The following AKT3 variants were observed in gnomAD, a reference collection of about 807,000 sequenced individuals.
AKT3 encodes the protein AKT serine/threonine kinase 3.
A neutral mutation model predicts 65.3 loss-of-function variants in AKT3; 15 were observed. The observed-to-expected ratio is 0.23, with a 90% confidence interval of 0.15 to 0.35. The LOEUF is 0.35. AKT3 is among the 10% of genes least tolerant of loss of function. The pLI is 1.00. For missense variants in AKT3, 243 were observed against 576.5 expected (o/e 0.42, Z 5.92); for synonymous variants, 206 against 183.8 (o/e 1.12, Z -0.98).
intron 13 of AKT3, among the ~76,000 whole-genome samples, chr1:243,508,483 A>G (rs1669809799): frequency 6.6e-6 from 1 of 152,126 alleles, no homozygotes; most frequent in Non-Finnish European, 1.5e-5. Flanking sequence ...TCCTTGCTAC[A>G]GAGGTCCTGA....
intron 12 of AKT3, among the ~76,000 whole-genome samples, chr1:243,531,846 T>C (rs766064279): frequency 3.0e-4 from 45 of 152,328 alleles, no homozygotes; most frequent in Non-Finnish European, 3.1e-4. Context: ...GTTAAATTTA[T>C]TCCTAAGACA....
chr1:243,737,363 G>A (rs1311056696), intron 2 of AKT3, among the ~76,000 whole-genome samples: 1 of 152,140 alleles, frequency 6.6e-6, no homozygotes, highest in Non-Finnish European at 1.5e-5. Flanking sequence ...AGTAAGGCAT[G>A]GGTGTAATTG....
At chr1:243,581,848 A>G (rs1288172415) in intron 8 of AKT3, among the ~76,000 whole-genome samples, 1 of 152,030 alleles carries the variant, frequency 6.6e-6, no homozygotes, top group African/African-American at 2.4e-5. Context: ...AAAAACTTCT[A>G]AAGTAATCCA....
chr1:243,676,337 T>C (rs766238658), intron 3 of AKT3, among the ~76,000 whole-genome samples: 2 of 152,128 alleles, frequency 1.3e-5, no homozygotes, highest in Non-Finnish European at 2.9e-5. Flanking sequence ...CCCAGTGTAA[T>C]TGGAGTCAAG....
In AKT3 at chr1:243,798,329, A is replaced by C. The variant is rs141463256; in HGVS notation, c.46+44796T>G. ...TGGACTCAAGCGATCCTCCCACCTC[A>C]GCCTCCTGATCTCCCACATAGCTGG... On this transcript the variant is annotated intron_variant, in intron 2 of 13. Transcript: ENST00000673466. Among the ~76,000 whole-genome samples the C allele has an allele frequency of 5.1e-3, 713 of 139,206 alleles. 4 individuals are homozygous for C. The highest frequency in any genetic ancestry group is 0.018 in the African/African-American group (668 of 36,970). The allele number at this position is 139,206 out of a possible 152,430, so 91.3% of individuals were successfully genotyped here. A position where few individuals can be genotyped will look rare whatever the true frequency, so the allele number is the denominator to read the frequency against.
At chr1:243,845,739 G>C (rs1448978380) in intron 1 of AKT3, among the ~76,000 whole-genome samples, 2 of 151,832 alleles carry the variant, frequency 1.3e-5, no homozygotes, top group Admixed American at 6.6e-5. Flanking sequence ...AAATGCAATT[G>C]ATATATGGTC....
chr1:243,682,243 T>G (rs942399079), intron 3 of AKT3, among the ~76,000 whole-genome samples: 2 of 152,096 alleles, frequency 1.3e-5, no homozygotes, highest in South Asian at 4.2e-4. Flanking sequence ...CTGCAGGTGG[T>G]GATCCTCCTA....
chr1:243,652,408 C>T (rs2147870689), intron 4 of AKT3, among the ~76,000 whole-genome samples: 1 of 152,172 alleles, frequency 6.6e-6, no homozygotes, highest in East Asian at 1.9e-4. Flanking sequence ...GAATGCTTTA[C>T]AGACAAGCAA....
Position 243,505,057 on chromosome 1 carries a change from C to A in AKT3, c.*192G>T. ...ACTGAGATACAATTTCATGCAAAAACAAAAACTGGAGTGTATTTGCGTGTA... is the reference window on the plus strand; with the variant it reads ...ACTGAGATACAATTTCATGCAAAAAAAAAAACTGGAGTGTATTTGCGTGTA... On this transcript the variant is annotated 3_prime_UTR_variant, in exon 14 of 14. Coordinates refer to ENST00000673466, the MANE Select transcript of AKT3 (RefSeq NM_005465.7). 1 of 548,982 alleles carries A rather than the reference C, an allele frequency of 1.8e-6. No homozygotes were observed. The highest frequency in any genetic ancestry group is 2.6e-5 in the South Asian group (1 of 38,548). The allele number at this position is 548,982 out of a possible 1,614,324, so 34.0% of individuals were successfully genotyped here. A position where few individuals can be genotyped will look rare whatever the true frequency, so the allele number is the denominator to read the frequency against.
intron 2 of AKT3, among the ~76,000 whole-genome samples, chr1:243,788,228 T>C: frequency 6.6e-6 from 1 of 152,152 alleles, no homozygotes; most frequent in Non-Finnish European, 1.5e-5. Flanking sequence ...TCATGACATC[T>C]AACATGGAAC....
intron 6 of AKT3, among the ~76,000 whole-genome samples, chr1:243,622,643 T>C (rs190427348): frequency 2.0e-5 from 3 of 152,170 alleles, no homozygotes; most frequent in Non-Finnish European, 2.9e-5. Flanking sequence ...TGCTGAAGAA[T>C]AGAAGCTACA....
At chr1:243,561,386 T>C (rs1220736606) in intron 10 of AKT3, among the ~76,000 whole-genome samples, 2 of 152,142 alleles carry the variant, frequency 1.3e-5, no homozygotes, top group Non-Finnish European at 2.9e-5. Flanking sequence ...GTCTTCAAAT[T>C]AGGATTTTTT....
chr1:243,847,042 T>C (rs1695550126), intron 1 of AKT3, among the ~76,000 whole-genome samples: 1 of 152,214 alleles, frequency 6.6e-6, no homozygotes, highest in Non-Finnish European at 1.5e-5. Flanking sequence ...GTATTTGTTG[T>C]CGGAAGATTC....
chr1:243,848,694 A>T (rs1695617762), intron 1 of AKT3, among the ~76,000 whole-genome samples: 1 of 152,254 alleles, frequency 6.6e-6, no homozygotes, highest in Non-Finnish European at 1.5e-5. Context: ...TGTTGAGACA[A>T]CTGCCAATGT....
At chr1:243,616,307 TAAAAA>T (rs57576796) in intron 6 of AKT3, among the ~76,000 whole-genome samples, 4 of 66,754 alleles carry the variant, frequency 6.0e-5, no homozygotes, top group Admixed American at 2.5e-4. Flanking sequence ...GTGCTTTTCT[TAAAAA>T]AAAAAAAAAA....
intron 12 of AKT3, among the ~76,000 whole-genome samples, chr1:243,513,017 A>G (rs1327800923): frequency 6.6e-6 from 1 of 152,208 alleles, no homozygotes; most frequent in Non-Finnish European, 1.5e-5. Context: ...CACAGCTTTC[A>G]TCAGATCCTC....
intron 2 of AKT3, among the ~76,000 whole-genome samples, chr1:243,813,525 A>G (rs78066496): frequency 6.6e-6 from 1 of 150,848 alleles, no homozygotes; most frequent in Non-Finnish European, 1.5e-5. Context: ...TAAAAAAAAA[A>G]TTAGAATCAG....
intron 11 of AKT3, 57 bp downstream of exon 11, chr1:243,552,672 T>C: frequency 6.8e-7 from 1 of 1,466,860 alleles, no homozygotes; most frequent in African/African-American, 1.4e-5. Context: ...TTAATTTCCA[T>C]ATCTCAATTT....
chr1:243,703,773 AAAAAAG>A (rs1315260776), intron 2 of AKT3, among the ~76,000 whole-genome samples: 3 of 146,222 alleles, frequency 2.1e-5, no homozygotes, highest in African/African-American at 7.3e-5. Flanking sequence ...AAAAAAAAAA[AAAAAAG>A]AAAAAGAAAA....
Sources: gnomAD v4.1 joint callset for allele counts (sites outside exome capture counted in the v4.1 genomes callset) on GRCh38, gnomAD v4.1.1 for gene constraint, MANE v1.5 for transcripts, NCBI Gene and HGNC (gene_info 2026-07-23, HGNC 2026-07-21) for gene names.